ARHGAP22: variants seen among roughly 807,000 people sequenced by gnomAD.
ARHGAP22 encodes Rho GTPase activating protein 22, also known as rho GTPase-activating protein 22.
A neutral mutation model predicts 59.1 loss-of-function variants in ARHGAP22; 48 were observed. The observed-to-expected ratio is 0.81, with a 90% CI of 0.64 to 1.03. The LOEUF is 1.03. Ranked by LOEUF, ARHGAP22 falls within the 50% of genes least tolerant of loss-of-function variation. ARHGAP22 has a pLI of 0.00. For missense variants in ARHGAP22, 1,015 were observed against 958.7 expected (o/e 1.06, Z -0.78); for synonymous variants, 445 against 416.4 (o/e 1.07, Z -0.84).
intron 2 of ARHGAP22, among the ~76,000 whole-genome samples, chr10:48,566,795 G>C (rs1436367073): frequency 6.6e-6 from 1 of 152,214 alleles, no homozygotes; most frequent in Non-Finnish European, 1.5e-5. Flanking sequence ...GCAGAGAGCA[G>C]GGGCTTTGAA....
At chr10:48,613,528 G>C (rs776661517) in intron 1 of ARHGAP22, among the ~76,000 whole-genome samples, 6 of 152,194 alleles carry the variant, frequency 3.9e-5, no homozygotes, top group Non-Finnish European at 7.3e-5. Context: ...ACCTAGGCCA[G>C]ACTTCATGGT....
At chr10:48,517,409 T>C (rs1029719904) in intron 3 of ARHGAP22, among the ~76,000 whole-genome samples, 1 of 152,134 alleles carries the variant, frequency 6.6e-6, no homozygotes. Flanking sequence ...TTCATTGAGG[T>C]GTTCCCCATT....
intron 1 of ARHGAP22, among the ~76,000 whole-genome samples, chr10:48,622,795 C>T (rs1446433789): frequency 6.6e-6 from 1 of 152,134 alleles, no homozygotes; most frequent in African/African-American, 2.4e-5. Context: ...TACTTGTTAC[C>T]CATTTGGCCC....
chr10:48,630,172 A>T lies in ARHGAP22; in HGVS notation c.52+22062T>A, dbSNP rs183576680. On this transcript the variant is annotated intron_variant, in intron 1 of 9. Coordinates refer to the ARHGAP22 transcript ENST00000435790. The stretch of plus-strand genomic sequence containing the variant: ...AGTGGCGCTATCTCAGCTCACTGCA[A>T]CCTCCACCTCCCTGGTTCAAGTGAT... 7.0e-3 allele frequency among the ~76,000 whole-genome samples: 1,070 copies of T among 152,104 alleles called. 7 individuals are homozygous for T. The highest frequency in any genetic ancestry group is 0.024 in the Middle Eastern group (7 of 292).
At chr10:48,473,697 G>T (rs2048441215) in intron 4 of ARHGAP22, among the ~76,000 whole-genome samples, 1 of 152,236 alleles carries the variant, frequency 6.6e-6, no homozygotes, top group Non-Finnish European at 1.5e-5. Flanking sequence ...GCCAGGTCAT[G>T]CAGCAAGCAA....
chr10:48,456,214 CTG>C (rs1173197399), intron 5 of ARHGAP22, among the ~76,000 whole-genome samples: 1 of 152,226 alleles, frequency 6.6e-6, no homozygotes, highest in African/African-American at 2.4e-5. Context: ...GGCCAGGAGA[CTG>C]TGGCTGTGCC....
intron 3 of ARHGAP22, 84 bp downstream of exon 3, chr10:48,555,379 T>A (rs1590152230): frequency 1.1e-6 from 1 of 945,280 alleles, no homozygotes; most frequent in Non-Finnish European, 1.5e-6. Context: ...GCGGGAGGAG[T>A]GTCACGAAGG....
At chr10:48,652,360 A>G (rs2062602678) in exon 1 of ARHGAP22, 1 of 1,282,368 alleles carries the variant, frequency 7.8e-7, no homozygotes. Flanking sequence ...CAAGCAGACA[A>G]GCTAATTCCT....
upstream of ARHGAP22, among the ~76,000 whole-genome samples, chr10:48,655,340 C>G (rs967897388): frequency 6.7e-6 from 1 of 150,226 alleles, no homozygotes; most frequent in Admixed American, 6.6e-5. Context: ...GTGACCTTTA[C>G]CAACCTCAGC....
chr10:48,587,661 G>A (rs908577988), intron 1 of ARHGAP22, among the ~76,000 whole-genome samples: 1 of 152,206 alleles, frequency 6.6e-6, no homozygotes, highest in African/African-American at 2.4e-5. Context: ...TCCTTCCACA[G>A]ATGTTTGCAG....
chr10:48,638,957 TAAAC>T (rs2061934553), intron 1 of ARHGAP22, among the ~76,000 whole-genome samples: 1 of 152,154 alleles, frequency 6.6e-6, no homozygotes, highest in Non-Finnish European at 1.5e-5. Flanking sequence ...AAAACTGACA[TAAAC>T]AACCATTTCT....
At chr10:48,582,402 G>T (rs951803841) in intron 2 of ARHGAP22, among the ~76,000 whole-genome samples, 1 of 152,216 alleles carries the variant, frequency 6.6e-6, no homozygotes, top group Non-Finnish European at 1.5e-5. Context: ...CTGTGACGAG[G>T]CTATACTGTG....
intron 3 of ARHGAP22, among the ~76,000 whole-genome samples, chr10:48,527,737 T>C (rs746680412): frequency 3.9e-5 from 6 of 152,212 alleles, no homozygotes; most frequent in Non-Finnish European, 8.8e-5. Context: ...CCCAAATTGA[T>C]GATGACCCCA....
chr10:48,509,706 G>C (rs1379829166), intron 3 of ARHGAP22, among the ~76,000 whole-genome samples: 1 of 152,170 alleles, frequency 6.6e-6, no homozygotes, highest in African/African-American at 2.4e-5. Flanking sequence ...TTCCCAGAAG[G>C]TTATTGGAAA....
intron 9 of ARHGAP22, 98 bp downstream of exon 9, chr10:48,450,163 C>G (rs1329832869): frequency 1.4e-6 from 2 of 1,460,082 alleles, no homozygotes; most frequent in Non-Finnish European, 1.8e-6. Flanking sequence ...CCAGGGCCAG[C>G]GGCCCAGAGG....
In ARHGAP22 at chr10:48,446,271, ATC is replaced by A. The variant is rs562386784; in HGVS notation, c.*118_*119del. The A allele has an allele frequency of 7.9e-5, 82 of 1,043,882 alleles. No individual in the cohort carries two copies. The highest frequency in any genetic ancestry group is 1.0e-4 in the Non-Finnish European group (75 of 717,386). The allele number at this position is 1,043,882 out of a possible 1,614,324, so 64.7% of individuals were successfully genotyped here. ...CCACAGTCCCCACAGAGGTATCAGGATCTCTCTCTCTCCAGCTGGCTCCAGAG... is the reference window on the plus strand; with the variant it reads ...CCACAGTCCCCACAGAGGTATCAGGATCTCTCTCTCCAGCTGGCTCCAGAG... On this transcript the variant is annotated 3_prime_UTR_variant, in exon 10 of 10. Coordinates refer to ENST00000249601, the MANE Select transcript of ARHGAP22 (RefSeq NM_021226.4).
intron 1 of ARHGAP22, among the ~76,000 whole-genome samples, chr10:48,650,015 A>G (rs924225630): frequency 6.6e-6 from 1 of 150,884 alleles, no homozygotes; most frequent in African/African-American, 2.4e-5. Context: ...AGAGAGAAAG[A>G]GAGAGAGAGA....
chr10:48,563,931 G>A (rs2057879561), intron 2 of ARHGAP22, among the ~76,000 whole-genome samples: 1 of 152,150 alleles, frequency 6.6e-6, no homozygotes, highest in African/African-American at 2.4e-5. Context: ...AGAAAAATGG[G>A]TAAAGGGTGT....
intron 3 of ARHGAP22, among the ~76,000 whole-genome samples, chr10:48,494,061 C>T (rs904586874): frequency 1.3e-5 from 2 of 152,214 alleles, no homozygotes; most frequent in African/African-American, 4.8e-5. Flanking sequence ...ACCCACCTCC[C>T]AGGACTGTGG....
Sources: gnomAD v4.1 joint callset for allele counts (sites outside exome capture counted in the v4.1 genomes callset) on GRCh38, gnomAD v4.1.1 for gene constraint, MANE v1.5 for transcripts, NCBI Gene and HGNC (gene_info 2026-07-23, HGNC 2026-07-21) for gene names.